SHISA9: variants seen among roughly 807,000 people sequenced by gnomAD.
The protein encoded by SHISA9 is protein shisa-9.
In SHISA9, 13 loss-of-function variants were observed where a neutral mutation model predicts 38.0. That is an observed-to-expected ratio of 0.34 (90% CI 0.22 to 0.54). The LOEUF (loss-of-function observed/expected upper bound fraction) is 0.54, where lower values mean the gene tolerates loss of function less well. SHISA9 is among the 20% of genes least tolerant of loss of function. The probability of loss-of-function intolerance (pLI) is 0.91; values close to 1 mark genes in which losing one functional copy is unlikely to be tolerated. For synonymous variants in SHISA9, 275 were observed against 242.0 expected, an observed-to-expected ratio of 1.14 and a Z score of -1.27; for missense variants, 538 against 575.8, an observed-to-expected ratio of 0.93 and a Z score of 0.67.
rs1371871369 is a variant in SHISA9, at chr16:13,239,144, T to C, written c.*3735T>C. 1 of 151,766 alleles carries C rather than the reference T, an allele frequency of 6.6e-6. No homozygotes were observed. The highest frequency in any genetic ancestry group is 1.9e-4 in the East Asian group (1 of 5,166). The allele number at this position is 151,766 out of a possible 1,614,324, so 9.4% of individuals were successfully genotyped here. On this transcript the variant is annotated 3_prime_UTR_variant, in exon 5 of 5. Coordinates refer to ENST00000558583, the MANE Select transcript of SHISA9 (RefSeq NM_001145204.3). ...GAATGATGATTTCCAATTTCATCCA[T>C]GTCCCTACAAAGGACATGAACTCAT...
intron 2 of SHISA9, among the ~76,000 whole-genome samples, chr16:13,187,369 C>T (rs546812122): frequency 6.3e-5 from 8 of 126,010 alleles, no homozygotes; most frequent in Middle Eastern, 0.012. Flanking sequence ...GAGTCTTGCT[C>T]TATCACCCAG....
At chr16:13,290,321 A>G in the SHISA9 span, among the ~76,000 whole-genome samples, 1 of 152,242 alleles carries the variant, frequency 6.6e-6, no homozygotes, top group South Asian at 2.1e-4. Flanking sequence ...ATGCAAACAG[A>G]GTCACACTTT....
intron 2 of SHISA9, among the ~76,000 whole-genome samples, chr16:13,021,909 C>G (rs953258566): frequency 2.0e-5 from 3 of 152,214 alleles, no homozygotes; most frequent in African/African-American, 7.2e-5. Flanking sequence ...TGACCACACA[C>G]TGCATGGTTT....
At chr16:13,328,627 C>T in the SHISA9 span, among the ~76,000 whole-genome samples, 1 of 109,536 alleles carries the variant, frequency 9.1e-6, no homozygotes, top group African/African-American at 3.1e-5. Flanking sequence ...CACACACACA[C>T]ACACACACAT....
At chr16:13,501,482 T>C in the SHISA9 span, among the ~76,000 whole-genome samples, 1 of 152,186 alleles carries the variant, frequency 6.6e-6, no homozygotes. Flanking sequence ...GTGTGATATA[T>C]TCATGGCAAG....
chr16:13,517,272 C>T, the SHISA9 span, among the ~76,000 whole-genome samples: 206 of 152,254 alleles, frequency 1.4e-3, 1 homozygote, highest in Non-Finnish European at 2.4e-3. Flanking sequence ...TCTCCTTCAG[C>T]GGGTCCAAAA....
At chr16:13,234,108 C>A (rs2051358180) in intron 4 of SHISA9, among the ~76,000 whole-genome samples, 1 of 152,124 alleles carries the variant, frequency 6.6e-6, no homozygotes, top group African/African-American at 2.4e-5. Flanking sequence ...CTATTACATA[C>A]AACTGTATTT....
intron 2 of SHISA9, among the ~76,000 whole-genome samples, chr16:13,153,253 G>T (rs1344944790): frequency 1.3e-5 from 2 of 151,916 alleles, no homozygotes; most frequent in Non-Finnish European, 1.5e-5. Flanking sequence ...CTTAGGAAAT[G>T]GATATAGAGC....
intron 2 of SHISA9, among the ~76,000 whole-genome samples, chr16:13,129,190 A>G (rs2050286961): frequency 6.6e-6 from 1 of 152,198 alleles, no homozygotes; most frequent in South Asian, 2.1e-4. Context: ...AGTGAATATA[A>G]AAGAAAAAAT....
intron 2 of SHISA9, among the ~76,000 whole-genome samples, chr16:12,951,312 G>C (rs941354989): frequency 5.4e-5 from 8 of 149,202 alleles, no homozygotes; most frequent in African/African-American, 1.5e-4. Context: ...TGTGGCTCTC[G>C]TTACGTTTCC....
chr16:13,260,536 A>G, the SHISA9 span, among the ~76,000 whole-genome samples: 1 of 152,158 alleles, frequency 6.6e-6, no homozygotes, highest in Non-Finnish European at 1.5e-5. Context: ...CTTTGCTAAA[A>G]CATAACAAAT....
chr16:13,425,710 C>T, the SHISA9 span, among the ~76,000 whole-genome samples: 1 of 152,206 alleles, frequency 6.6e-6, no homozygotes, highest in Non-Finnish European at 1.5e-5. Context: ...GAAAGAACCA[C>T]TCATTCACAT....
the SHISA9 span, among the ~76,000 whole-genome samples, chr16:13,485,203 C>G: frequency 2.0e-5 from 3 of 152,050 alleles, no homozygotes; most frequent in Non-Finnish European, 4.4e-5. Context: ...CCCCGCACCC[C>G]CCGACAGGCC....
At chr16:13,402,675 CTATTTTTTG>C in the SHISA9 span, among the ~76,000 whole-genome samples, 2 of 152,110 alleles carry the variant, frequency 1.3e-5, no homozygotes, top group African/African-American at 2.4e-5. Context: ...CCACGCCCGG[CTATTTTTTG>C]TATTTTTAGT....
At chr16:12,953,965 A>G (rs966490870) in intron 2 of SHISA9, among the ~76,000 whole-genome samples, 2 of 152,190 alleles carry the variant, frequency 1.3e-5, no homozygotes, top group African/African-American at 2.4e-5. Flanking sequence ...AACTGCCCCT[A>G]AGATCCAGTC....
the SHISA9 span, among the ~76,000 whole-genome samples, chr16:13,273,450 C>T: frequency 8.5e-5 from 13 of 152,132 alleles, no homozygotes. Flanking sequence ...CTCATGAGAT[C>T]TGATGGTTTT....
the SHISA9 span, among the ~76,000 whole-genome samples, chr16:13,366,262 T>C: frequency 2.0e-5 from 3 of 152,234 alleles, no homozygotes; most frequent in African/African-American, 4.8e-5. Context: ...ACATTTAGGC[T>C]TTGGTCTACT....
At chr16:13,006,427 CTG>C (rs1164670721) in intron 2 of SHISA9, among the ~76,000 whole-genome samples, 1 of 152,218 alleles carries the variant, frequency 6.6e-6, no homozygotes, top group Non-Finnish European at 1.5e-5. Context: ...AGCACGTTCT[CTG>C]TCTCTCCAAC....
intron 2 of SHISA9, among the ~76,000 whole-genome samples, chr16:13,099,620 G>A (rs575636769): frequency 3.9e-5 from 6 of 152,250 alleles, no homozygotes; most frequent in Admixed American, 3.9e-4. Flanking sequence ...GCAGGAGTGT[G>A]CTCTGTGCCT....
Sources: allele counts gnomAD v4.1 joint callset (sites outside exome capture counted in the v4.1 genomes callset), GRCh38; gene constraint gnomAD v4.1.1; transcripts MANE v1.5; gene names NCBI Gene and HGNC (gene_info 2026-07-23, HGNC 2026-07-21).